Variants in LRIG1 observed in about 807,000 individuals in gnomAD.
LRIG1 encodes leucine rich repeats and immunoglobulin like domains 1.
In LRIG1, 48 loss-of-function variants were observed where a neutral mutation model predicts 99.2. The ratio of observed to expected loss-of-function variants is 0.48; its 90% CI spans 0.38 to 0.62. The LOEUF is 0.62. Among genes scored for constraint, LRIG1 ranks in the 20% least tolerant of loss-of-function variants. LRIG1 has a pLI of 0.00. For synonymous variants in LRIG1, 772 were observed against 596.1 expected, an observed-to-expected ratio of 1.29 and a Z score of -4.30; for missense variants, 1,646 against 1,434.4, an observed-to-expected ratio of 1.15 and a Z score of -2.38.
intron 1 of LRIG1, among the ~76,000 whole-genome samples, chr3:66,468,516 C>T (rs549807777): frequency 9.2e-5 from 14 of 152,318 alleles, no homozygotes; most frequent in African/African-American, 3.1e-4. Context: ...CTGAGCGCCA[C>T]AGTATTTTGC....
chr3:66,475,887 A>T (rs56198903), intron 1 of LRIG1, among the ~76,000 whole-genome samples: 137 of 152,286 alleles, frequency 9.0e-4, no homozygotes, highest in Non-Finnish European at 1.7e-3. Context: ...CGATGGTATA[A>T]ACCAGGCACC....
At chr3:66,468,829 GC>G (rs1182934510) in intron 1 of LRIG1, among the ~76,000 whole-genome samples, 3 of 152,172 alleles carry the variant, frequency 2.0e-5, no homozygotes, top group African/African-American at 7.2e-5. Flanking sequence ...AATCCTTTAA[GC>G]TTTTAAGACT....
At chr3:66,483,822 C>T (rs761366482) in intron 1 of LRIG1, among the ~76,000 whole-genome samples, 5 of 136,004 alleles carry the variant, frequency 3.7e-5, no homozygotes, top group African/African-American at 7.4e-5. Flanking sequence ...TCGCCAAACG[C>T]AACACAGAGG....
At chr3:66,380,968 T>C in intron 17 of LRIG1, 107 bp from the exon 18 acceptor site, 1 of 1,128,728 alleles carries the variant, frequency 8.9e-7, no homozygotes, top group Non-Finnish European at 1.3e-6. Flanking sequence ...GAACCCTGAC[T>C]GCAAACACTG....
At chr3:66,475,447 T>C (rs1470035303) in intron 1 of LRIG1, among the ~76,000 whole-genome samples, 1 of 152,198 alleles carries the variant, frequency 6.6e-6, no homozygotes, top group African/African-American at 2.4e-5. Flanking sequence ...AGCTATCAGA[T>C]GCAACCTGTA....
intron 3 of LRIG1, among the ~76,000 whole-genome samples, chr3:66,428,648 A>T (rs1703058746): frequency 6.6e-6 from 1 of 152,210 alleles, no homozygotes; most frequent in African/African-American, 2.4e-5. Context: ...TTCCTAATCC[A>T]ACTTGAATAA....
chr3:66,494,774 T>C (rs907631958), intron 1 of LRIG1, among the ~76,000 whole-genome samples: 3 of 152,344 alleles, frequency 2.0e-5, no homozygotes, highest in African/African-American at 7.2e-5. Context: ...AACTAGAAAT[T>C]AGACCATCAA....
chr3:66,386,090 G>T lies in LRIG1; in HGVS notation c.1680C>A (p.Thr560=), dbSNP rs1430643102. ...AAGTGACCTGACGGAGGTGCAGGAT[G>T]GTGGTGTACTCCATCACTTCCCCGT... The part of the protein sequence containing the change: ...AQDGEVMEYT[T]ILHLRQVTFG... Residue 560 remains threonine, a synonymous_variant, in exon 13 of 19, where the codon ACC becomes ACA. Transcript: ENST00000273261. The T allele has an allele frequency of 3.1e-6, 5 of 1,614,188 alleles. No individual in the cohort carries two copies. Among genetic ancestry groups the T allele is most frequent in the Non-Finnish European group, 4.2e-6 (5 of 1,180,024 alleles).
intron 2 of LRIG1, among the ~76,000 whole-genome samples, chr3:66,454,034 T>C (rs1193703197): frequency 6.6e-6 from 1 of 152,168 alleles, no homozygotes; most frequent in Admixed American, 6.5e-5. Context: ...TAACTGGGCC[T>C]TCTATGTCTA....
intron 1 of LRIG1, among the ~76,000 whole-genome samples, chr3:66,485,825 C>T (rs926104902): frequency 1.3e-5 from 2 of 152,162 alleles, no homozygotes; most frequent in Non-Finnish European, 2.9e-5. Context: ...CAAAGAAACA[C>T]GCTCTTCAAG....
At chr3:66,380,555 T>TTAGAAGACAGTCAAAAGTTAC (rs1253049387) in intron 18 of LRIG1, 22 bp downstream of exon 18, 2 of 1,613,330 alleles carry the variant, frequency 1.2e-6, no homozygotes. Context: ...AACCCACCTG[T>TTAGAAGACAGTCAAAAGTTAC]TAGAAGACAG....
chr3:66,420,139 A>T (rs1203613783), intron 3 of LRIG1, among the ~76,000 whole-genome samples: 1 of 152,240 alleles, frequency 6.6e-6, no homozygotes. Flanking sequence ...ATGAGCCAAG[A>T]ATTGAACATT....
chr3:66,410,697 C>A (rs1702436064), intron 6 of LRIG1, among the ~76,000 whole-genome samples: 1 of 152,136 alleles, frequency 6.6e-6, no homozygotes, highest in Admixed American at 6.5e-5. Context: ...AAAAAGTGAC[C>A]CAGGCCAACA....
At chr3:66,438,406 C>G (rs749693652) in intron 3 of LRIG1, among the ~76,000 whole-genome samples, 1 of 152,156 alleles carries the variant, frequency 6.6e-6, no homozygotes, top group Non-Finnish European at 1.5e-5. Context: ...AGGGAAGCAG[C>G]CATGTGTGTT....
intron 6 of LRIG1, among the ~76,000 whole-genome samples, chr3:66,410,659 G>A (rs921777872): frequency 1.3e-5 from 2 of 152,130 alleles, no homozygotes; most frequent in East Asian, 1.9e-4. Flanking sequence ...GCAATATAGC[G>A]AAACCCCATC....
At chr3:66,390,480 G>C (rs2107956491) in intron 12 of LRIG1, among the ~76,000 whole-genome samples, 1 of 152,258 alleles carries the variant, frequency 6.6e-6, no homozygotes, top group Non-Finnish European at 1.5e-5. Flanking sequence ...TAAGAAAAAA[G>C]GGTGGACAGC....
chr3:66,410,173 G>T lies in LRIG1; in HGVS notation c.891C>A (p.Arg297=), dbSNP rs748283524. The change falls in exon 7 of 19, where the codon CGC becomes CGA. Residue 297 remains arginine (R), a synonymous_variant. Transcript: ENST00000273261. The stretch of plus-strand genomic sequence containing the variant: ...AGAAGCTCCAGCCCTTGCGGTGAAT[G>T]CGAGCGATGGAATTGTTGCTGAGGT... ...QLHLSNNSIA[R]IHRKGWSFCQ... 6.2e-7 allele frequency: 1 copy of T among 1,614,054 alleles called. No homozygotes were observed. Among genetic ancestry groups the T allele is most frequent in the African/African-American group, 1.3e-5 (1 of 74,958 alleles).
At chr3:66,447,410 A>C (rs1703764673) in intron 3 of LRIG1, among the ~76,000 whole-genome samples, 1 of 151,966 alleles carries the variant, frequency 6.6e-6, no homozygotes, top group South Asian at 2.1e-4. Context: ...TTTCAAAAAC[A>C]TTTTTTCAAG....
intron 3 of LRIG1, among the ~76,000 whole-genome samples, chr3:66,433,759 A>G (rs1268035865): frequency 2.6e-5 from 4 of 152,122 alleles, no homozygotes; most frequent in Non-Finnish European, 4.4e-5. Context: ...GCCCTTCCTC[A>G]CCCACCCCAA....
Sources: allele counts gnomAD v4.1 joint callset (sites outside exome capture counted in the v4.1 genomes callset), GRCh38; gene constraint gnomAD v4.1.1; transcripts MANE v1.5; gene names NCBI Gene and HGNC (gene_info 2026-07-23, HGNC 2026-07-21).